XIRP2: variants seen among roughly 807,000 people sequenced by gnomAD.
XIRP2 encodes xin actin binding repeat containing 2.
In XIRP2, 236 loss-of-function variants were observed where a neutral mutation model predicts 277.0. The observed-to-expected ratio is 0.85, with a 90% CI of 0.77 to 0.95. The LOEUF (loss-of-function observed/expected upper bound fraction) is 0.95, where lower values mean the gene tolerates loss of function less well. Ranked by LOEUF, XIRP2 falls within the 40% of genes least tolerant of loss-of-function variation. The pLI is 0.00. For missense variants in XIRP2, 4,640 were observed against 4,157.5 expected (o/e 1.12, Z -3.19); for synonymous variants, 1,490 against 1,416.5 (o/e 1.05, Z -1.17).
chr2:167,073,684 A>G (rs1238082457), intron 2 of XIRP2, among the ~76,000 whole-genome samples: 1 of 152,318 alleles, frequency 6.6e-6, no homozygotes, highest in South Asian at 2.1e-4. Flanking sequence ...AAATTTAGAA[A>G]GGATTTCCTT....
Position 167,076,282 on chromosome 2 carries a change from TTCTG to T in XIRP2, c.409-59623_409-59620del, listed in dbSNP as rs201812329. ...GCAATTTATATGGCATCCAGGCAATTTCTGTCTTAGACTATACTCAATCTTTTAT... is the reference window on the plus strand; with the variant it reads ...GCAATTTATATGGCATCCAGGCAATTTCTTAGACTATACTCAATCTTTTAT... On this transcript the variant is annotated intron_variant, in intron 2 of 10. Coordinates refer to ENST00000409195, the MANE Select transcript of XIRP2 (RefSeq NM_152381.6). Among the ~76,000 whole-genome samples the T allele has an allele frequency of 6.8e-3, 1,035 of 152,312 alleles. 13 individuals are homozygous for T. Among genetic ancestry groups the T allele is most frequent in the African/African-American group, 0.024 (981 of 41,562 alleles).
intron 2 of XIRP2, among the ~76,000 whole-genome samples, chr2:167,070,257 A>G (rs1177461731): frequency 1.3e-5 from 2 of 152,126 alleles, no homozygotes; most frequent in African/African-American, 2.4e-5. Context: ...AGGGCTTAAC[A>G]TATACCAAGA....
At chr2:167,131,268 A>G (rs1473772487) in intron 2 of XIRP2, among the ~76,000 whole-genome samples, 1 of 152,152 alleles carries the variant, frequency 6.6e-6, no homozygotes, top group African/African-American at 2.4e-5. Flanking sequence ...CCTTCTCAGG[A>G]ATTTTCCTTC....
chr2:167,077,864 A>C (rs1574230712), intron 2 of XIRP2, among the ~76,000 whole-genome samples: 1 of 152,236 alleles, frequency 6.6e-6, no homozygotes, highest in East Asian at 1.9e-4. Flanking sequence ...TGTGCTGTTG[A>C]AAATAGACTA....
intron 1 of XIRP2, among the ~76,000 whole-genome samples, chr2:166,900,460 C>A (rs546289597): frequency 6.6e-6 from 1 of 152,032 alleles, no homozygotes; most frequent in South Asian, 2.1e-4. Flanking sequence ...AATTGCAACA[C>A]CTGTATCATG....
rs10164634 is a variant in XIRP2 at position 166,941,480 on chromosome 2, G to A, written c.408+37590G>A. On this transcript the variant is annotated intron_variant, in intron 2 of 10. Coordinates refer to ENST00000409195, the MANE Select transcript of XIRP2 (RefSeq NM_152381.6). The stretch of plus-strand genomic sequence containing the variant: ...CACCCACTGTCCGACAAGCCCCAGT[G>A]AGATGAACCCAGTACCTCAGTTGGA... 1.1e-3 allele frequency among the ~76,000 whole-genome samples: 160 copies of A among 152,296 alleles called. 1 individual carries two copies. Among genetic ancestry groups the A allele is most frequent in the African/African-American group, 3.6e-3 (151 of 41,570 alleles).
At chr2:167,087,689 G>C (rs1407695292) in intron 2 of XIRP2, among the ~76,000 whole-genome samples, 1 of 152,226 alleles carries the variant, frequency 6.6e-6, no homozygotes, top group Non-Finnish European at 1.5e-5. Flanking sequence ...TATTTGGGTG[G>C]CAGTGACCCG....
intron 1 of XIRP2, among the ~76,000 whole-genome samples, chr2:166,900,719 G>T (rs984631557): frequency 3.9e-5 from 6 of 152,082 alleles, no homozygotes; most frequent in African/African-American, 1.4e-4. Context: ...AAGTTGGGAG[G>T]CCCCTCTTTA....
chr2:167,239,824 A>C (rs754185245), intron 5 of XIRP2, 31 bp from the exon 6 acceptor site: 1 of 1,553,412 alleles, frequency 6.4e-7, no homozygotes, highest in African/African-American at 1.4e-5. Context: ...ACTTTTCTTA[A>C]GGCATTGTCT....
chr2:167,010,887 A>T (rs1365985806), intron 2 of XIRP2, among the ~76,000 whole-genome samples: 4 of 152,060 alleles, frequency 2.6e-5, no homozygotes, highest in Non-Finnish European at 5.9e-5. Flanking sequence ...TTATTGGTGT[A>T]TAAGAATGCT....
chr2:167,141,567 C>T (rs1560342), intron 3 of XIRP2, among the ~76,000 whole-genome samples: 34 of 152,130 alleles, frequency 2.2e-4, no homozygotes, highest in African/African-American at 6.7e-4. Flanking sequence ...ATCAGCCACA[C>T]GGGAAGGTGA....
At chr2:167,016,634 G>A (rs1332124829) in intron 2 of XIRP2, among the ~76,000 whole-genome samples, 2 of 151,920 alleles carry the variant, frequency 1.3e-5, no homozygotes, top group African/African-American at 4.8e-5. Context: ...CTGGGAAGCA[G>A]CTGCTAAGGT....
At chr2:166,981,680 C>T (rs902617688) in intron 2 of XIRP2, among the ~76,000 whole-genome samples, 2 of 152,116 alleles carry the variant, frequency 1.3e-5, no homozygotes, top group African/African-American at 4.8e-5. Flanking sequence ...GGCTTACAGG[C>T]ATGAGCCACC....
chr2:167,013,313 A>AT (rs1402612480), intron 2 of XIRP2, among the ~76,000 whole-genome samples: 1 of 151,400 alleles, frequency 6.6e-6, no homozygotes, highest in Non-Finnish European at 1.5e-5. Flanking sequence ...ATGGTATATT[A>AT]TTTTTAATGT....
chr2:167,218,804 TG>T lies in XIRP2; in HGVS notation c.858+505del, dbSNP rs150799073. Among the ~76,000 whole-genome samples the T allele has an allele frequency of 4.1e-4, 63 of 152,234 alleles. 1 individual carries two copies. The East Asian group carries it at 8.3e-3, about 20-fold the overall frequency. On this transcript the variant is annotated intron_variant, in intron 5 of 10. Transcript: ENST00000409195. The stretch of plus-strand genomic sequence containing the variant: ...AAAACCACATAATATGACCTCCAAA[TG>T]TTATCTTATATAAATTTTTTTCCCA...
chr2:166,972,928 A>G (rs756203296), intron 2 of XIRP2, among the ~76,000 whole-genome samples: 15 of 152,310 alleles, frequency 9.8e-5, no homozygotes, highest in Non-Finnish European at 1.5e-4. Context: ...TATCTTAGTA[A>G]TGCTTTCTAA....
chr2:167,164,402 C>T (rs956458782), intron 3 of XIRP2, among the ~76,000 whole-genome samples: 11 of 142,370 alleles, frequency 7.7e-5, no homozygotes, highest in Non-Finnish European at 1.3e-4. Context: ...GCCAAGATAG[C>T]GCCACTGCAG....
chr2:166,945,839 TTTTG>T lies in XIRP2; in HGVS notation c.408+41965_408+41968del, dbSNP rs1170646781. On this transcript the variant is annotated intron_variant, in intron 2 of 10. Coordinates refer to ENST00000409195, the MANE Select transcript of XIRP2 (RefSeq NM_152381.6). Reference sequence around the variant, plus strand: ...GGCATGTGCCACCACACCCGGCTAATTTTGTTTGTTTGTTTGTTTTTTTGGTAGA... The same window carrying T: ...GGCATGTGCCACCACACCCGGCTAATTTTGTTTGTTTGTTTTTTTGGTAGA... Among the ~76,000 whole-genome samples, 9 of 151,970 alleles carry T rather than the reference TTTTG, an allele frequency of 5.9e-5. No individual in the cohort carries two copies. The East Asian group carries it at 9.7e-4, about 16-fold the overall frequency.
At chr2:167,118,774 G>A (rs894872357) in intron 2 of XIRP2, among the ~76,000 whole-genome samples, 3 of 151,982 alleles carry the variant, frequency 2.0e-5, no homozygotes, top group Non-Finnish European at 4.4e-5. Context: ...GCCTATTACG[G>A]CACCACAAAC....
Sources: gnomAD v4.1 joint callset for allele counts (sites outside exome capture counted in the v4.1 genomes callset) on GRCh38, gnomAD v4.1.1 for gene constraint, MANE v1.5 for transcripts, NCBI Gene and HGNC (gene_info 2026-07-23, HGNC 2026-07-21) for gene names.